ELOVL7: variants seen among roughly 807,000 people sequenced by gnomAD.
The protein encoded by ELOVL7 is ELOVL fatty acid elongase 7, also known as very long chain fatty acid elongase 7.
Under a neutral mutation model 35.7 loss-of-function variants are expected in ELOVL7, and 27 were observed. The observed-to-expected ratio is 0.76, with a 90% CI of 0.56 to 1.04. The LOEUF (loss-of-function observed/expected upper bound fraction) is 1.04, where lower values mean the gene tolerates loss of function less well. Ranked by LOEUF, ELOVL7 falls within the 50% of genes least tolerant of loss-of-function variation. The probability of loss-of-function intolerance (pLI) is 0.00; values close to 1 mark genes in which losing one functional copy is unlikely to be tolerated. For synonymous variants in ELOVL7, 113 were observed against 114.6 expected, an observed-to-expected ratio of 0.99 and a Z score of 0.09; for missense variants, 327 against 340.8, an observed-to-expected ratio of 0.96 and a Z score of 0.32.
At chr5:60,802,061 CAT>C (rs59849955) in intron 1 of ELOVL7, among the ~76,000 whole-genome samples, 91 of 77,282 alleles carry the variant, frequency 1.2e-3, no homozygotes, top group Admixed American at 1.5e-3. Flanking sequence ...AATAAACTCT[CAT>C]ATATATATAT....
At chr5:60,800,465 T>C (rs891798657) in intron 1 of ELOVL7, among the ~76,000 whole-genome samples, 1 of 152,200 alleles carries the variant, frequency 6.6e-6, no homozygotes, top group Non-Finnish European at 1.5e-5. Context: ...GAATTCAGTT[T>C]AGAAGAAACC....
At chr5:60,782,295 T>C (rs965230031) in intron 3 of ELOVL7, among the ~76,000 whole-genome samples, 6 of 152,194 alleles carry the variant, frequency 3.9e-5, no homozygotes, top group Admixed American at 1.3e-4. Flanking sequence ...TTGTACAATG[T>C]TGGTGGGACT....
At chr5:60,784,142 T>C in intron 3 of ELOVL7, 1 of 1,520,396 alleles carries the variant, frequency 6.6e-7, no homozygotes, top group Non-Finnish European at 8.8e-7. Context: ...GAGAGTATTC[T>C]CTTCTTAAGT....
chr5:60,784,605 CT>C (rs2112228249), intron 3 of ELOVL7, among the ~76,000 whole-genome samples: 1 of 152,332 alleles, frequency 6.6e-6, no homozygotes, highest in Non-Finnish European at 1.5e-5. Context: ...CCTTACGCTA[CT>C]CAGGGTTAGG....
At position 60,823,015 on chromosome 5, in the gene ELOVL7, T is replaced by C. The variant is rs1561468488; in HGVS notation, c.-86+21145A>G. Among the ~76,000 whole-genome samples the C allele has an allele frequency of 1.3e-5, 2 of 152,296 alleles. 1 individual carries two copies. Among genetic ancestry groups the C allele is most frequent in the East Asian group, 3.9e-4 (2 of 5,180 alleles). ...AAAGGCAGGTGATTAATAGCAGGCA[T>C]TGAACAGGTCTTGTTCACGAAGCCT... On this transcript the variant is annotated intron_variant, in intron 1 of 8. Coordinates refer to ENST00000508821, the MANE Select transcript of ELOVL7 (RefSeq NM_024930.3).
chr5:60,841,410 TATTC>T (rs1747165721), intron 1 of ELOVL7, among the ~76,000 whole-genome samples: 1 of 152,220 alleles, frequency 6.6e-6, no homozygotes, highest in African/African-American at 2.4e-5. Context: ...CCTGGTTAAA[TATTC>T]ATTGTGGTAG....
At chr5:60,824,194 G>A (rs1392321571) in intron 1 of ELOVL7, among the ~76,000 whole-genome samples, 1 of 152,166 alleles carries the variant, frequency 6.6e-6, no homozygotes, top group Non-Finnish European at 1.5e-5. Flanking sequence ...CAGACACCAA[G>A]GCAAAATTAT....
At chr5:60,772,771 G>C (rs1030258000) in intron 3 of ELOVL7, among the ~76,000 whole-genome samples, 5 of 152,174 alleles carry the variant, frequency 3.3e-5, no homozygotes, top group Non-Finnish European at 5.9e-5. Context: ...ATCTGGAAGA[G>C]AGAACACCCA....
chr5:60,812,333 A>G (rs1745282047), intron 1 of ELOVL7, among the ~76,000 whole-genome samples: 1 of 152,232 alleles, frequency 6.6e-6, no homozygotes, highest in Non-Finnish European at 1.5e-5. Flanking sequence ...GTTAAGTTTG[A>G]CAATAGAGAA....
intron 1 of ELOVL7, among the ~76,000 whole-genome samples, chr5:60,814,144 T>C (rs1366626881): frequency 6.6e-6 from 1 of 152,182 alleles, no homozygotes; most frequent in African/African-American, 2.4e-5. Context: ...GGAATCCTCA[T>C]TATTGAAATC....
At chr5:60,821,353 C>T (rs573154103) in intron 1 of ELOVL7, among the ~76,000 whole-genome samples, 4 of 152,196 alleles carry the variant, frequency 2.6e-5, no homozygotes, top group Admixed American at 6.5e-5. Context: ...ATTCGCTGAA[C>T]GAATGATCTC....
chr5:60,770,053 GAA>G (rs5868255), intron 4 of ELOVL7, among the ~76,000 whole-genome samples: 54 of 126,366 alleles, frequency 4.3e-4, no homozygotes, highest in East Asian at 9.3e-4. Flanking sequence ...CCTTTCTGGT[GAA>G]AAAAAAAAAA....
Position 60,752,755 on chromosome 5 carries a change from C to G in ELOVL7, c.*1869G>C, listed in dbSNP as rs911202878. 6.6e-6 allele frequency: 1 copy of G among 152,064 alleles called. No individual in the cohort carries two copies. Among genetic ancestry groups the G allele is most frequent in the Non-Finnish European group, 1.5e-5 (1 of 68,048 alleles). 9.4% of individuals were successfully genotyped at this position (152,064 alleles called of 1,614,324 possible). On this transcript the variant is annotated 3_prime_UTR_variant, in exon 9 of 9. Transcript: ENST00000508821. ...ATCACCTGAGGTCAGGAGCTCGAGA[C>G]CAGCCTGGCCAACCCTGTCTCTACT... is the stretch of plus-strand genomic sequence containing the variant.
chr5:60,796,017 G>C (rs943778512), intron 2 of ELOVL7, among the ~76,000 whole-genome samples: 1 of 152,192 alleles, frequency 6.6e-6, no homozygotes, highest in African/African-American at 2.4e-5. Context: ...TGTATAGACA[G>C]TCTCTCTCTG....
intron 3 of ELOVL7, among the ~76,000 whole-genome samples, chr5:60,779,031 A>C (rs1561435699): frequency 6.6e-6 from 1 of 152,250 alleles, no homozygotes; most frequent in East Asian, 1.9e-4. Flanking sequence ...TCAATGCTCC[A>C]CAATGATCAC....
chr5:60,800,030 C>CAAAAAAAAAAAAAAA (rs58041305), intron 1 of ELOVL7, among the ~76,000 whole-genome samples: 1 of 86,206 alleles, frequency 1.2e-5, no homozygotes, highest in Non-Finnish European at 2.2e-5. Context: ...AACTCCATCT[C>CAAAAAAAAAAAAAAA]AAAAAAAAAA....
intron 2 of ELOVL7, among the ~76,000 whole-genome samples, chr5:60,789,234 T>C (rs932508739): frequency 2.6e-5 from 4 of 152,182 alleles, no homozygotes; most frequent in South Asian, 4.1e-4. Context: ...ATTCATATCA[T>C]AGACAACGGC....
At chr5:60,842,739 T>C (rs1321599300) in intron 1 of ELOVL7, among the ~76,000 whole-genome samples, 1 of 152,136 alleles carries the variant, frequency 6.6e-6, no homozygotes, top group Non-Finnish European at 1.5e-5. Flanking sequence ...CTGAGATGGG[T>C]GTGGCCTTGG....
intron 1 of ELOVL7, among the ~76,000 whole-genome samples, chr5:60,821,783 T>C (rs1745904097): frequency 6.6e-6 from 1 of 152,226 alleles, no homozygotes; most frequent in South Asian, 2.1e-4. Context: ...TTATAGCAAT[T>C]TGACATTGCT....
Sources: gnomAD v4.1 joint callset for allele counts (sites outside exome capture counted in the v4.1 genomes callset) on GRCh38, gnomAD v4.1.1 for gene constraint, MANE v1.5 for transcripts, NCBI Gene and HGNC (gene_info 2026-07-23, HGNC 2026-07-21) for gene names.